GULP1: variants seen among roughly 807,000 people sequenced by gnomAD.
GULP1 encodes PTB domain-containing engulfment adapter protein 1.
A neutral mutation model predicts 40.9 loss-of-function variants in GULP1; 19 were observed. The ratio of observed to expected loss-of-function variants is 0.46; its 90% confidence interval spans 0.32 to 0.68. The LOEUF (loss-of-function observed/expected upper bound fraction) is 0.68. Among genes scored for constraint, GULP1 ranks in the 30% least tolerant of loss-of-function variants. The probability of loss-of-function intolerance (pLI) is 0.03; values close to 1 mark genes in which losing one functional copy is unlikely to be tolerated. For missense variants in GULP1, 312 were observed against 362.2 expected (o/e 0.86, Z 1.12); for synonymous variants, 119 against 117.6 (o/e 1.01, Z -0.08).
At chr2:188,519,365 T>C (rs948468346) in intron 4 of GULP1, among the ~76,000 whole-genome samples, 3 of 152,240 alleles carry the variant, frequency 2.0e-5, no homozygotes, top group Admixed American at 1.3e-4. Flanking sequence ...ATAATACTTT[T>C]GACTCATGAC....
At chr2:188,445,297 G>GA (rs774607324) in intron 2 of GULP1, among the ~76,000 whole-genome samples, 215 of 147,466 alleles carry the variant, frequency 1.5e-3, no homozygotes, top group Admixed American at 4.4e-3. Flanking sequence ...TTGTTTAAAG[G>GA]AAAAAAAAAC....
chr2:188,464,944 C>T (rs1362722977), intron 2 of GULP1, among the ~76,000 whole-genome samples: 1 of 152,082 alleles, frequency 6.6e-6, no homozygotes, highest in Non-Finnish European at 1.5e-5. Flanking sequence ...CCAGAAATGC[C>T]ATCCAAGAGT....
At chr2:188,569,976 T>TA in intron 8 of GULP1, 52 bp from the exon 9 acceptor site, 1 of 739,908 alleles carries the variant, frequency 1.4e-6, no homozygotes, top group South Asian at 1.7e-5. Context: ...GTAGCCAATA[T>TA]TTTCCAAGAA....
intron 2 of GULP1, among the ~76,000 whole-genome samples, chr2:188,426,082 G>A (rs1023893862): frequency 3.9e-5 from 6 of 152,094 alleles, no homozygotes; most frequent in Non-Finnish European, 8.8e-5. Context: ...GCAAGTTACA[G>A]GCAAATACAT....
chr2:188,512,088 C>T (rs2064630237), intron 4 of GULP1, among the ~76,000 whole-genome samples: 1 of 152,012 alleles, frequency 6.6e-6, no homozygotes, highest in Non-Finnish European at 1.5e-5. Flanking sequence ...CAAATAAAGG[C>T]TATAAAATTA....
chr2:188,523,550 A>G (rs372876442), intron 5 of GULP1, among the ~76,000 whole-genome samples: 5 of 46,174 alleles, frequency 1.1e-4, no homozygotes, highest in Non-Finnish European at 2.3e-4. Context: ...AATACACATT[A>G]TCACTACTTT....
chr2:188,311,631 T>C (rs1033624185), intron 1 of GULP1, among the ~76,000 whole-genome samples: 4 of 151,752 alleles, frequency 2.6e-5, no homozygotes, highest in African/African-American at 9.7e-5. Context: ...TTTAACAAAA[T>C]TGATTTTCTC....
intron 2 of GULP1, among the ~76,000 whole-genome samples, chr2:188,397,871 A>C (rs1308707132): frequency 5.3e-5 from 8 of 152,242 alleles, no homozygotes; most frequent in Admixed American, 5.2e-4. Context: ...CCATGATGGA[A>C]GCTACGTTCT....
At chr2:188,568,004 C>A (rs534911355) in intron 7 of GULP1, among the ~76,000 whole-genome samples, 5 of 152,074 alleles carry the variant, frequency 3.3e-5, no homozygotes, top group African/African-American at 1.2e-4. Flanking sequence ...TATTATAGCT[C>A]GTTGTTTACT....
intron 7 of GULP1, among the ~76,000 whole-genome samples, chr2:188,564,734 G>A (rs949772299): frequency 2.1e-4 from 32 of 151,904 alleles, no homozygotes; most frequent in Non-Finnish European, 5.9e-5. Flanking sequence ...ATAAGGTAAT[G>A]TAAATTACCT....
intron 1 of GULP1, among the ~76,000 whole-genome samples, chr2:188,370,107 G>T (rs554405423): frequency 6.6e-6 from 1 of 152,180 alleles, no homozygotes; most frequent in Non-Finnish European, 1.5e-5. Flanking sequence ...CCCCACGTAA[G>T]CCTTAGATGA....
Position 188,562,082 on chromosome 2 carries a change from G to T in GULP1, c.400-7157G>T, listed in dbSNP as rs1050989858. ...AAGTTTCCCTAATGCCTCAGCCTCA[G>T]CACTTCTGGGCCCCAGGACAGTGTG... On this transcript the variant is annotated intron_variant, in intron 7 of 11. Coordinates refer to ENST00000409830, the MANE Select transcript of GULP1 (RefSeq NM_016315.4). 3.3e-5 allele frequency among the ~76,000 whole-genome samples: 5 copies of T among 152,164 alleles called. No individual in the cohort carries two copies. The South Asian group carries it at 1.0e-3, about 31-fold the overall frequency.
chr2:188,566,420 T>A lies in GULP1; in HGVS notation c.400-2819T>A, dbSNP rs191619146. 1.3e-3 allele frequency among the ~76,000 whole-genome samples: 204 copies of A among 152,104 alleles called. 2 individuals carry two copies. Among genetic ancestry groups the A allele is most frequent in the African/African-American group, 4.8e-3 (199 of 41,534 alleles). On this transcript the variant is annotated intron_variant, in intron 7 of 11. Coordinates refer to ENST00000409830, the MANE Select transcript of GULP1 (RefSeq NM_016315.4). ...ACATGGTTTTTTAAAGTTATTAATATAAATAAATAATATGAGGCCAAATGT... is the reference window on the plus strand; with the variant it reads ...ACATGGTTTTTTAAAGTTATTAATAAAAATAAATAATATGAGGCCAAATGT...
At chr2:188,407,474 A>G (rs1205026810) in intron 2 of GULP1, among the ~76,000 whole-genome samples, 2 of 152,238 alleles carry the variant, frequency 1.3e-5, no homozygotes, top group East Asian at 1.9e-4. Context: ...TACACAGTGT[A>G]AAAGGATGTA....
intron 4 of GULP1, among the ~76,000 whole-genome samples, chr2:188,504,617 C>T (rs2063735696): frequency 6.6e-6 from 1 of 151,832 alleles, no homozygotes; most frequent in African/African-American, 2.4e-5. Context: ...AATTGTGAAA[C>T]TGTTTTTCAT....
At chr2:188,549,183 G>A (rs1692788389) in intron 7 of GULP1, among the ~76,000 whole-genome samples, 1 of 151,758 alleles carries the variant, frequency 6.6e-6, no homozygotes, top group Non-Finnish European at 1.5e-5. Context: ...TTATCATAAA[G>A]TAAAATATCT....
intron 1 of GULP1, among the ~76,000 whole-genome samples, chr2:188,313,094 C>G (rs1000854016): frequency 6.6e-5 from 10 of 152,076 alleles, no homozygotes; most frequent in Non-Finnish European, 1.3e-4. Flanking sequence ...ATGATAGTTT[C>G]TTTTGCTGTG....
intron 9 of GULP1, among the ~76,000 whole-genome samples, chr2:188,572,732 T>G (rs981699167): frequency 2.0e-5 from 3 of 152,166 alleles, no homozygotes; most frequent in Non-Finnish European, 4.4e-5. Context: ...TGGAGGACAT[T>G]ATACTAAGTG....
chr2:188,316,231 A>G (rs368465005), intron 1 of GULP1, among the ~76,000 whole-genome samples: 1 of 152,134 alleles, frequency 6.6e-6, no homozygotes, highest in African/African-American at 2.4e-5. Context: ...TAAAACTGAC[A>G]AGTTTCATCC....
Sources: gnomAD v4.1 joint callset for allele counts (sites outside exome capture counted in the v4.1 genomes callset) on GRCh38, gnomAD v4.1.1 for gene constraint, MANE v1.5 for transcripts, NCBI Gene and HGNC (gene_info 2026-07-23, HGNC 2026-07-21) for gene names.